Variants in MID1 observed in about 807,000 individuals in gnomAD.
MID1 encodes the protein E3 ubiquitin-protein ligase Midline-1.
MID1 carries 7 observed loss-of-function variants against 40.4 expected under a neutral mutation model. The ratio of observed to expected loss-of-function variants is 0.17; its 90% CI spans 0.10 to 0.33. The LOEUF (loss-of-function observed/expected upper bound fraction) is 0.33, where lower values mean the gene tolerates loss of function less well. Ranked by LOEUF, MID1 falls within the 10% of genes least tolerant of loss-of-function variation. The probability of loss-of-function intolerance (pLI) is 1.00; values close to 1 mark genes in which losing one functional copy is unlikely to be tolerated. For missense variants in MID1, 367 were observed against 558.5 expected (o/e 0.66, Z 3.46); for synonymous variants, 229 against 221.2 (o/e 1.04, Z -0.31).
At chrX:10,644,590 G>A (rs1936242317) in intron 1 of MID1, among the ~76,000 whole-genome samples, 1 of 111,142 alleles carries the variant, frequency 9.0e-6, no homozygotes, top group South Asian at 3.9e-4. Context: ...ATGTGCTGAT[G>A]GCAACACAAG....
intron 1 of MID1, among the ~76,000 whole-genome samples, chrX:10,584,897 C>T (rs1935103317): frequency 9.0e-6 from 1 of 111,149 alleles, no homozygotes; most frequent in Admixed American, 9.5e-5. Context: ...AAGAGCCGAG[C>T]TCCCTGAATG....
At chrX:10,682,086 G>A (rs763666429) in intron 1 of MID1, among the ~76,000 whole-genome samples, 8 of 110,759 alleles carry the variant, frequency 7.2e-5, no homozygotes, top group Admixed American at 2.9e-4. Flanking sequence ...TGGGAGGATC[G>A]CTTGAGCCCA....
chrX:10,466,110 A>G (rs1929372906), intron 7 of MID1, among the ~76,000 whole-genome samples: 1 of 111,666 alleles, frequency 9.0e-6, no homozygotes, highest in South Asian at 3.8e-4. Context: ...ATTTTCAGAG[A>G]ACCTTCCTTG....
intron 1 of MID1, among the ~76,000 whole-genome samples, chrX:10,753,992 T>C (rs2043615141): frequency 8.9e-6 from 1 of 112,544 alleles, no homozygotes; most frequent in African/African-American, 3.2e-5. Flanking sequence ...AAAGTCCAAG[T>C]AAAAAATTCA....
intron 2 of MID1, among the ~76,000 whole-genome samples, 199 bp from the exon 3 acceptor site, chrX:10,523,386 G>A (rs1485966669): frequency 8.9e-6 from 1 of 111,844 alleles, no homozygotes; most frequent in Non-Finnish European, 1.9e-5. Context: ...GACACGCTCA[G>A]ACTTTATTCT....
chrX:10,606,972 A>G (rs925938823), intron 1 of MID1, among the ~76,000 whole-genome samples: 1 of 111,764 alleles, frequency 8.9e-6, no homozygotes, highest in Non-Finnish European at 1.9e-5. Context: ...GGCTCAAGCA[A>G]TCCTCCCACC....
At chrX:10,750,326 G>A (rs184590494) in intron 1 of MID1, among the ~76,000 whole-genome samples, 1 of 111,452 alleles carries the variant, frequency 9.0e-6, no homozygotes, top group Admixed American at 9.5e-5. Flanking sequence ...CTTGTTCTAA[G>A]CCACCATTAT....
intron 2 of MID1, among the ~76,000 whole-genome samples, chrX:10,556,939 A>C (rs1934144217): frequency 8.9e-6 from 1 of 112,453 alleles, no homozygotes; most frequent in African/African-American, 3.2e-5. Flanking sequence ...TGGCAATGTC[A>C]AAAAATTTAC....
chrX:10,691,083 G>A (rs1048318916), intron 1 of MID1, among the ~76,000 whole-genome samples: 4 of 111,964 alleles, frequency 3.6e-5, no homozygotes, highest in African/African-American at 1.3e-4. Context: ...TTTTAGCTCA[G>A]TGCTGTCTAA....
intron 2 of MID1, among the ~76,000 whole-genome samples, chrX:10,547,675 A>G (rs1933751575): frequency 9.0e-6 from 1 of 110,581 alleles, no homozygotes; most frequent in Non-Finnish European, 1.9e-5. Flanking sequence ...AAAGAAAAGA[A>G]AAAAGAAAAG....
chrX:10,607,511 T>C (rs1487130137), intron 1 of MID1, among the ~76,000 whole-genome samples: 2 of 112,175 alleles, frequency 1.8e-5, no homozygotes, highest in African/African-American at 6.5e-5. Context: ...GAATCTAGAC[T>C]GGATGTTGGG....
intron 1 of MID1, among the ~76,000 whole-genome samples, chrX:10,792,490 T>C (rs901362342): frequency 8.9e-5 from 10 of 112,477 alleles, no homozygotes; most frequent in Non-Finnish European, 1.5e-4. Context: ...AAATAACACA[T>C]ATTGGTAGAA....
chrX:10,810,125 C>T (rs894858243), intron 1 of MID1, among the ~76,000 whole-genome samples: 2 of 111,242 alleles, frequency 1.8e-5, no homozygotes, highest in African/African-American at 3.3e-5. Flanking sequence ...GGAAGTTTCT[C>T]GTCATCCCAA....
At chrX:10,589,373 C>G (rs753014335) in intron 1 of MID1, among the ~76,000 whole-genome samples, 9 of 111,061 alleles carry the variant, frequency 8.1e-5, no homozygotes, top group Non-Finnish European at 1.3e-4. Flanking sequence ...CAAGTCAAAA[C>G]CAAAACCAAC....
At chrX:10,533,453 C>G in intron 2 of MID1, among the ~76,000 whole-genome samples, 1 of 76,677 alleles carries the variant, frequency 1.3e-5, no homozygotes. Context: ...AAAGAAATCC[C>G]TGGTATCCAT....
intron 1 of MID1, among the ~76,000 whole-genome samples, chrX:10,784,591 G>C (rs916819608): frequency 4.6e-5 from 5 of 108,058 alleles, no homozygotes; most frequent in Non-Finnish European, 7.6e-5. Flanking sequence ...GATTACAGGC[G>C]CATGCCACCA....
At chrX:10,606,929 C>T (rs553218161) in intron 1 of MID1, among the ~76,000 whole-genome samples, 1 of 110,846 alleles carries the variant, frequency 9.0e-6, no homozygotes, top group South Asian at 3.9e-4. Context: ...GATGGGGTCT[C>T]AGTATATTGC....
chrX:10,509,592 C>A (rs1462897113), intron 3 of MID1, among the ~76,000 whole-genome samples: 2 of 111,594 alleles, frequency 1.8e-5, no homozygotes, highest in Non-Finnish European at 3.8e-5. Context: ...CCTCTTAGCC[C>A]TACCTGGGTG....
At chrX:10,457,743 C>G (rs1009464581) in intron 8 of MID1, among the ~76,000 whole-genome samples, 2 of 112,445 alleles carry the variant, frequency 1.8e-5, no homozygotes, top group Admixed American at 9.4e-5. Flanking sequence ...GCGATCTGTT[C>G]TTGTCTCCAG....
Sources: allele counts gnomAD v4.1 joint callset (sites outside exome capture counted in the v4.1 genomes callset), GRCh38; gene constraint gnomAD v4.1.1; transcripts MANE v1.5; gene names NCBI Gene and HGNC (gene_info 2026-07-23, HGNC 2026-07-21).